Variants in EHMT2 observed in about 807,000 individuals in gnomAD.
The protein encoded by EHMT2 is histone-lysine N-methyltransferase EHMT2.
In EHMT2, 59 loss-of-function variants were observed where a neutral mutation model predicts 143.3. The ratio of observed to expected loss-of-function variants is 0.41; its 90% CI spans 0.33 to 0.51. The LOEUF is 0.51. EHMT2 is among the 20% of genes least tolerant of loss of function. The pLI, the probability that EHMT2 is intolerant of heterozygous loss-of-function variation, is 0.18. For missense variants in EHMT2, 1,174 were observed against 1,645.9 expected, an observed-to-expected ratio of 0.71 and a Z score of 4.96; for synonymous variants, 604 against 651.5, an observed-to-expected ratio of 0.93 and a Z score of 1.11.
rs61745377 is a variant in EHMT2 at position 31,883,845 on chromosome 6, C to T, written c.2877G>A (p.Thr959=). The change falls in exon 22 of 28, where the codon ACG becomes ACA. Residue 959 remains threonine (T), a synonymous_variant. Coordinates refer to ENST00000375537, the Ensembl canonical transcript of EHMT2. The surrounding 1 kb of genome is among the most constrained non-coding windows in gnomAD (Gnocchi z 5.6). ...TGTTGCGATCGATGTTCATGGTGGACGTCTCGCAGTTCTCTGAGATGTACT... is the reference window on the plus strand; with the variant it reads ...TGTTGCGATCGATGTTCATGGTGGATGTCTCGCAGTTCTCTGAGATGTACT... 1,951 of 1,613,944 alleles carry T rather than the reference C, an allele frequency of 1.2e-3. 19 individuals carry two copies. The African/African-American group carries it at 0.022, about 19-fold the overall frequency.
Position 31,888,882 on chromosome 6 carries a change from G to A in EHMT2, c.1216+87C>T, listed in dbSNP as rs1470090053. Reference sequence around the variant, plus strand: ...CCTAAAGCCTGGCCATGGACACCCCGGCTCTGGCGTGGTTCCCCTCCTTCC... The same window carrying A: ...CCTAAAGCCTGGCCATGGACACCCCAGCTCTGGCGTGGTTCCCCTCCTTCC... On this transcript the variant is annotated intron_variant, in intron 10 of 27. Transcript: ENST00000375537. This position sits in a 1 kb window ranked among gnomAD's most constrained non-coding sequence, Gnocchi z 7.4. 8.7e-6 allele frequency: 12 copies of A among 1,387,030 alleles called. No homozygotes were observed. The highest frequency in any genetic ancestry group is 2.2e-5 in the Admixed American group (1 of 46,094). 85.9% of individuals were successfully genotyped at this position (1,387,030 alleles called of 1,614,324 possible). A position where few individuals can be genotyped will look rare whatever the true frequency, so the allele number is the denominator to read the frequency against.
Position 31,884,649 on chromosome 6 carries a change from C to A in EHMT2, c.2599G>T (p.Val867Leu). 1 of 1,587,250 alleles carries A rather than the reference C, an allele frequency of 6.3e-7. No homozygotes were observed. The change falls in exon 20 of 28, where the codon GTG becomes TTG. Residue 867 changes from valine (V) to leucine (L), a missense_variant. This residue lies in a region of EHMT2 where 608 missense variants were observed against 903.7 expected (regional missense o/e 0.67). Coordinates refer to ENST00000375537, the Ensembl canonical transcript of EHMT2. The surrounding 1 kb of genome is among the most constrained non-coding windows in gnomAD (Gnocchi z 7.3). The stretch of plus-strand genomic sequence containing the variant: ...AAGGGCGGGGCAGGGGCTCACAGCA[C>A]GCAGTCATGGTAGCTCTCCCGAGCT...
rs779737700 is a variant in EHMT2, at chr6:31,892,854, A to G, written c.639T>C (p.Asp213=). The change falls in exon 5 of 28, where the codon GAT becomes GAC. Residue 213 remains aspartate (D), a synonymous_variant. Coordinates refer to ENST00000375537, the Ensembl canonical transcript of EHMT2. Reference sequence around the variant, plus strand: ...AGGTCACCTTTCCCAGTGAGTGGACATCATCACTCATGCGGAAATGCTGTA... The same window carrying G: ...AGGTCACCTTTCCCAGTGAGTGGACGTCATCACTCATGCGGAAATGCTGTA... 5.6e-6 allele frequency: 9 copies of G among 1,603,124 alleles called. No individual in the cohort carries two copies. In the South Asian group the frequency reaches 8.9e-5, roughly 16 times the overall value.
rs770516398 is a variant in EHMT2 at position 31,889,363 on chromosome 6, G to A, written c.1000-21C>T. 62 of 1,610,680 alleles carry A rather than the reference G, an allele frequency of 3.8e-5. No individual in the cohort carries two copies. The highest frequency in any genetic ancestry group is 4.9e-5 in the Non-Finnish European group (58 of 1,179,486). On this transcript the variant is annotated intron_variant, in intron 8 of 27. Coordinates refer to ENST00000375537, the Ensembl canonical transcript of EHMT2. The surrounding 1 kb of genome is among the most constrained non-coding windows in gnomAD (Gnocchi z 5.1). ...CCACTCTGGGAAGGGGGAGGAGGAG[G>A]AGTTAGGAACCCTCACCCCCAGGGG...
exon 15 of EHMT2, chr6:31,887,601 G>C (rs1765043469): frequency 6.2e-7 from 1 of 1,613,074 alleles, no homozygotes; most frequent in Non-Finnish European, 8.5e-7. Context: ...ACCTTCTGCA[G>C]CTCGCCCTGC....
exon 3 of EHMT2, chr6:31,896,743 G>T: frequency 1.2e-6 from 2 of 1,613,026 alleles, no homozygotes; most frequent in Non-Finnish European, 1.7e-6. Context: ...TGGAGATGAG[G>T]GGCCAGCAGG....
exon 4 of EHMT2, chr6:31,896,312 G>A: frequency 6.2e-7 from 1 of 1,612,968 alleles, no homozygotes; most frequent in Non-Finnish European, 8.5e-7. Flanking sequence ...GTGGACCTTG[G>A]GCTGTCCCTC....
At chr6:31,897,139 G>T (rs772768874) in intron 1 of EHMT2, 150 bp from the exon 2 acceptor site, 1 of 1,381,160 alleles carries the variant, frequency 7.2e-7, no homozygotes, top group East Asian at 2.9e-5. Flanking sequence ...CGGCTGCCCG[G>T]AGGGGCCGCA....
At chr6:31,886,625 C>T in exon 18 of EHMT2, 1 of 1,613,510 alleles carries the variant, frequency 6.2e-7, no homozygotes, top group Non-Finnish European at 8.5e-7. Flanking sequence ...AGCAGGCTGA[C>T]CATCTCCAAG....
Position 31,880,011 on chromosome 6 carries a change from G to T in EHMT2, c.*73C>A. On this transcript the variant is annotated 3_prime_UTR_variant, in exon 28 of 28. Transcript: ENST00000375537. This position sits in a 1 kb window ranked among gnomAD's most constrained non-coding sequence, Gnocchi z 6.6. ...ATGGCAGCACCCCCAGGCATGGGCT[G>T]CGAGCAGCTGGTGGCAGAGGAGGCG... 1 of 1,533,650 alleles carries T rather than the reference G, an allele frequency of 6.5e-7. No individual in the cohort carries two copies. The highest frequency in any genetic ancestry group is 8.9e-7 in the Non-Finnish European group (1 of 1,124,726).
Position 31,897,626 on chromosome 6 carries a change from C to A in EHMT2, c.42+10G>T, listed in dbSNP as rs1766746989. On this transcript the variant is annotated intron_variant, in intron 1 of 27. Transcript: ENST00000375537. ...GGCATGCACCCGCCTCTCCCCCTCCCCTTCCGCACCTCGGCGGCCGCCGCC... is the reference window on the plus strand; with the variant it reads ...GGCATGCACCCGCCTCTCCCCCTCCACTTCCGCACCTCGGCGGCCGCCGCC... The A allele has an allele frequency of 3.5e-6, 4 of 1,151,536 alleles. No individual in the cohort carries two copies. The highest frequency in any genetic ancestry group is 4.3e-6 in the Non-Finnish European group (4 of 936,454). 71.3% of individuals were successfully genotyped at this position (1,151,536 alleles called of 1,614,324 possible). A position where few individuals can be genotyped will look rare whatever the true frequency, so the allele number is the denominator to read the frequency against.
Position 31,888,375 on chromosome 6 carries a change from G to A in EHMT2, c.1497C>T (p.Tyr499=). ...ACTGGTCACTCACCGCCGTGCAGAA[G>A]TAGCCGCAGCCCGGGCAGCAGTGGT... Residue 499 remains tyrosine, a synonymous_variant, in exon 12 of 28, where the codon TAC becomes TAT. Transcript: ENST00000375537. The surrounding 1 kb of genome is among the most constrained non-coding windows in gnomAD (Gnocchi z 7.4). 6.2e-7 allele frequency: 1 copy of A among 1,612,760 alleles called. No individual in the cohort carries two copies. The highest frequency in any genetic ancestry group is 8.5e-7 in the Non-Finnish European group (1 of 1,179,896).
chr6:31,884,520 G>A lies in EHMT2; in HGVS notation c.2643C>T (p.Asn881=). 2 of 1,612,940 alleles carry A rather than the reference G, an allele frequency of 1.2e-6. No homozygotes were observed. The highest frequency in any genetic ancestry group is 1.1e-5 in the South Asian group (1 of 91,084). The change falls in exon 21 of 28, where the codon AAC becomes AAT. Residue 881 remains asparagine, a synonymous_variant. Coordinates refer to ENST00000375537, the Ensembl canonical transcript of EHMT2. This position sits in a 1 kb window ranked among gnomAD's most constrained non-coding sequence, Gnocchi z 7.3. Reference sequence around the variant, plus strand: ...GGTCCCATGCTGTGTCCCCCTCTTTGTTCCGCAGCTCAGGGTTGGCCCCAC... The same window carrying A: ...GGTCCCATGCTGTGTCCCCCTCTTTATTCCGCAGCTCAGGGTTGGCCCCAC...
At chr6:31,894,192 G>A (rs761326577) in intron 4 of EHMT2, among the ~76,000 whole-genome samples, 7 of 151,834 alleles carry the variant, frequency 4.6e-5, no homozygotes, top group Non-Finnish European at 8.8e-5. Context: ...TGTTGTCCAG[G>A]CTGGAGTGCA....
At chr6:31,885,574 C>A (rs1764727217) in intron 18 of EHMT2, 1 of 152,780 alleles carries the variant, frequency 6.5e-6, no homozygotes, top group East Asian at 1.9e-4. Context: ...CAGCCAGGAG[C>A]TGGTCATGGA....
Position 31,888,647 on chromosome 6 carries a change from G to A in EHMT2, c.1317C>T (p.Ser439=), listed in dbSNP as rs1204604159. The A allele has an allele frequency of 4.3e-6, 7 of 1,613,638 alleles. No homozygotes were observed. Among genetic ancestry groups the A allele is most frequent in the Admixed American group, 1.7e-5 (1 of 60,012 alleles). Residue 439 remains serine, a synonymous_variant, in exon 11 of 28, where the codon AGC becomes AGT. Coordinates refer to ENST00000375537, the Ensembl canonical transcript of EHMT2. The surrounding 1 kb of genome is among the most constrained non-coding windows in gnomAD (Gnocchi z 7.4). ...CCATGCACTTGTGCCCCGCCCTCTC[G>A]CTGATGCGGTCAATCTTGGGTGCCT... is the stretch of plus-strand genomic sequence containing the variant.
chr6:31,883,161 T>G lies in EHMT2; in HGVS notation c.2995-152A>C, dbSNP rs1764334845. 1 of 863,612 alleles carries G rather than the reference T, an allele frequency of 1.2e-6. No individual in the cohort carries two copies. Among genetic ancestry groups the G allele is most frequent in the Non-Finnish European group, 1.9e-6 (1 of 539,688 alleles). 53.5% of individuals were successfully genotyped at this position (863,612 alleles called of 1,614,324 possible). A position where few individuals can be genotyped will look rare whatever the true frequency, so the allele number is the denominator to read the frequency against. The stretch of plus-strand genomic sequence containing the variant: ...GAGAGCACGAAATGCAGGAGCATCA[T>G]CCCTGGTTTGCATAGACCTGGGCAC... On this transcript the variant is annotated intron_variant, in intron 23 of 27. Coordinates refer to ENST00000375537, the Ensembl canonical transcript of EHMT2. This position sits in a 1 kb window ranked among gnomAD's most constrained non-coding sequence, Gnocchi z 5.6.
chr6:31,895,605 G>A (rs1024565870), intron 4 of EHMT2: 1 of 151,922 alleles, frequency 6.6e-6, no homozygotes, highest in Non-Finnish European at 1.5e-5. Context: ...AGACCAGCCT[G>A]GGCAACATAG....
exon 3 of EHMT2, chr6:31,896,764 T>C: frequency 6.2e-7 from 1 of 1,612,500 alleles, no homozygotes; most frequent in Non-Finnish European, 8.5e-7. Context: ...CTCCAGGGAG[T>C]CGGGGGTGGC....
Sources: allele counts gnomAD v4.1 joint callset (sites outside exome capture counted in the v4.1 genomes callset), GRCh38; gene constraint gnomAD v4.1.1; regional missense constraint gnomAD v4.1.1; non-coding constraint Gnocchi (gnomAD v3.1); transcripts MANE v1.5; gene names NCBI Gene and HGNC (gene_info 2026-07-23, HGNC 2026-07-21).